The following NUP98 variants were observed in gnomAD, a reference collection of about 807,000 sequenced individuals.
The protein encoded by NUP98 is nucleoporin 98 and 96 precursor.
A neutral mutation model predicts 191.9 loss-of-function variants in NUP98; 26 were observed. That is an observed-to-expected ratio of 0.14 (90% CI 0.10 to 0.19). NUP98 has a LOEUF of 0.19. Ranked by LOEUF, NUP98 falls within the 10% of genes least tolerant of loss-of-function variation. The pLI is 1.00. For synonymous variants in NUP98, 808 were observed against 778.4 expected (o/e 1.04, Z -0.63); for missense variants, 1,941 against 2,178.8 (o/e 0.89, Z 2.17).
intron 5 of NUP98, among the ~76,000 whole-genome samples, chr11:3,775,067 A>C (rs1482205250): frequency 6.6e-6 from 1 of 152,208 alleles, no homozygotes; most frequent in Non-Finnish European, 1.5e-5. Flanking sequence ...TCTGTAAACA[A>C]AATCCTCCAC....
rs67500611 is a variant in NUP98, at chr11:3,760,112, CAA to C, written c.1174+425_1174+426del. The C allele has an allele frequency of 9.3e-3, 1,123 of 121,230 alleles. 1 individual carries two copies. Among genetic ancestry groups the C allele is most frequent in the South Asian group, 0.016 (72 of 4,466 alleles). 7.5% of individuals were successfully genotyped at this position (121,230 alleles called of 1,614,324 possible). Reference sequence around the variant, plus strand: ...GCGATATAAAGACCCTGTTCTCCACCAAAAAAAAAAAAAAAAACAAAAACAAA... The same window carrying C: ...GCGATATAAAGACCCTGTTCTCCACCAAAAAAAAAAAAAAACAAAAACAAA... On this transcript the variant is annotated intron_variant, in intron 10 of 32. Coordinates refer to ENST00000324932, the MANE Select transcript of NUP98 (RefSeq NM_016320.5).
At chr11:3,747,367 A>C (rs961840365) in intron 11 of NUP98, among the ~76,000 whole-genome samples, 7 of 152,186 alleles carry the variant, frequency 4.6e-5, no homozygotes, top group Non-Finnish European at 7.3e-5. Context: ...TTAGTATTAC[A>C]ATCAACCTTC....
chr11:3,733,345 C>A (rs1407331878), intron 13 of NUP98, among the ~76,000 whole-genome samples: 1 of 152,152 alleles, frequency 6.6e-6, no homozygotes, highest in Non-Finnish European at 1.5e-5. Flanking sequence ...GAGTTTCGCT[C>A]TTGTCATCTG....
intron 1 of NUP98, 26 bp downstream of exon 1, chr11:3,797,374 C>T (rs1256551725): frequency 1.5e-5 from 6 of 401,624 alleles, no homozygotes; most frequent in Non-Finnish European, 2.2e-5. Context: ...CGGTCTCGGC[C>T]GCTGCAGCTC....
rs2078683030 is a variant in NUP98, at chr11:3,701,678, TTTTC to T, written c.3512+781_3512+784del. Among the ~76,000 whole-genome samples the T allele has an allele frequency of 2.6e-5, 4 of 151,936 alleles. No homozygotes were observed. The South Asian group carries it at 8.3e-4, about 31-fold the overall frequency. ...TTCAAGAGACATTGTTGTTTTTTCT[TTTTC>T]TTTTCTCTCTTTTTTTTTTTTGAGA... On this transcript the variant is annotated intron_variant, in intron 23 of 32. Transcript: ENST00000324932.
chr11:3,721,107 G>A, intron 16 of NUP98: 1 of 185,312 alleles, frequency 5.4e-6, no homozygotes, highest in Non-Finnish European at 1.1e-5. Flanking sequence ...GCTTAACCTC[G>A]TGTTTTTCCA....
chr11:3,768,716 A>G lies in NUP98; in HGVS notation c.813T>C (p.Gly271=). The change falls in exon 8 of 33, where the codon GGT becomes GGC. Residue 271 remains glycine (G), a synonymous_variant. Coordinates refer to ENST00000324932, the MANE Select transcript of NUP98 (RefSeq NM_016320.5). Reference sequence around the variant, plus strand: ...GCTGATTCTGTTGGCCAAAGAGACCACCTGGATTTGTTCCAAATCCAGTTG... The same window carrying G: ...GCTGATTCTGTTGGCCAAAGAGACCGCCTGGATTTGTTCCAAATCCAGTTG... The part of the protein sequence containing the change: ...TSTTGFGTNP[G]GLFGQQNQQT... 6.3e-7 allele frequency: 1 copy of G among 1,592,200 alleles called. No homozygotes were observed. The highest frequency in any genetic ancestry group is 8.5e-7 in the Non-Finnish European group (1 of 1,170,604).
At position 3,768,717 on chromosome 11, in the gene NUP98, C is replaced by A. The variant is rs1293088149; in HGVS notation, c.812G>T (p.Gly271Val). ...CTGATTCTGTTGGCCAAAGAGACCA[C>A]CTGGATTTGTTCCAAATCCAGTTGT... ...TSTTGFGTNPGGLFGQQNQQT... is the reference protein window; with the variant it reads ...TSTTGFGTNPVGLFGQQNQQT... The change falls in exon 8 of 33, where the codon GGT becomes GTT. Residue 271 changes from glycine to valine, a missense_variant. Physicochemically the swap from Gly to Val is moderately radical, Grantham distance 109 (BLOSUM62 -3). Around this residue, in one of 6 missense-constraint regions of NUP98, gnomAD observed 181 missense variants for 228.0 expected, o/e 0.79. Coordinates refer to ENST00000324932, the MANE Select transcript of NUP98 (RefSeq NM_016320.5). 5.7e-6 allele frequency: 9 copies of A among 1,588,986 alleles called. No individual in the cohort carries two copies. The highest frequency in any genetic ancestry group is 1.1e-5 in the South Asian group (1 of 87,492).
rs1356039591 is a variant in NUP98, at chr11:3,735,234, GGA to G, written c.1497_1498del (p.Pro500SerfsTer10). 1 of 1,601,992 alleles carries G rather than the reference GGA, an allele frequency of 6.2e-7. No individual in the cohort carries two copies. The highest frequency in any genetic ancestry group is 1.3e-5 in the African/African-American group (1 of 74,668). Reference sequence around the variant, plus strand: ...GTCTGACATCGGATTCCGGAAGAGAGGAGAGTCTCCAAAAGGTGAGTATGTTA... The same window carrying G: ...GTCTGACATCGGATTCCGGAAGAGAGGAGTCTCCAAAAGGTGAGTATGTTA... On this transcript the variant is annotated frameshift_variant, in exon 13 of 33. Transcript: ENST00000324932. LOFTEE classifies it high-confidence loss of function.
At chr11:3,716,082 A>G (rs2079171242) in intron 18 of NUP98, among the ~76,000 whole-genome samples, 1 of 152,130 alleles carries the variant, frequency 6.6e-6, no homozygotes, top group Non-Finnish European at 1.5e-5. Context: ...AGTTTGATAT[A>G]GTGTCATTTG....
chr11:3,716,013 T>C (rs770386572), intron 18 of NUP98, among the ~76,000 whole-genome samples: 10 of 152,214 alleles, frequency 6.6e-5, no homozygotes, highest in Non-Finnish European at 1.2e-4. Context: ...TTGGCATATA[T>C]TTTCTCCTAT....
At position 3,771,851 on chromosome 11, in the gene NUP98, C is replaced by T. The variant is rs145045544; in HGVS notation, c.681G>A (p.Leu227=). Residue 227 remains leucine, a synonymous_variant, in exon 7 of 33, where the codon TTG becomes TTA. Transcript: ENST00000324932. The part of the protein sequence containing the change: ...NQVGAGTTTG[L]FGSSPATSSA... Reference sequence around the variant, plus strand: ...TGGAAGTGGCTGGAGAAGACCCAAACAAGCCAGTTGTGGTACCTGCTCCCA... The same window carrying T: ...TGGAAGTGGCTGGAGAAGACCCAAATAAGCCAGTTGTGGTACCTGCTCCCA... The T allele has an allele frequency of 4.0e-4, 639 of 1,613,922 alleles. 3 individuals carry two copies. The Middle Eastern group carries it at 6.0e-3, about 15-fold the overall frequency.
chr11:3,791,103 G>A (rs1045374989), intron 1 of NUP98, among the ~76,000 whole-genome samples: 6 of 151,930 alleles, frequency 3.9e-5, no homozygotes, highest in South Asian at 4.2e-4. Context: ...CACCGTGTTA[G>A]CCAGGATGGT....
chr11:3,729,715 C>CAAAAAAAAAAAAAAAAAAAA lies in NUP98; in HGVS notation c.1730+1656_1730+1675dup, dbSNP rs755816362. 2.8e-3 allele frequency among the ~76,000 whole-genome samples: 104 copies of CAAAAAAAAAAAAAAAAAAAA among 37,406 alleles called. 10 individuals carry two copies. Among genetic ancestry groups the CAAAAAAAAAAAAAAAAAAAA allele is most frequent in the Non-Finnish European group, 3.9e-3 (73 of 18,650 alleles). The allele number at this position is 37,406 out of a possible 152,430, so 24.5% of individuals were successfully genotyped here. ...GGGCAATGGCATAAGACTCTTGCCT[C>CAAAAAAAAAAAAAAAAAAAA]AAAAAAAAAAAAAAAAAAAAAAAAA... On this transcript the variant is annotated intron_variant, in intron 14 of 32. Coordinates refer to ENST00000324932, the MANE Select transcript of NUP98 (RefSeq NM_016320.5).
chr11:3,684,963 G>T (rs548285729), intron 29 of NUP98, among the ~76,000 whole-genome samples: 1 of 152,226 alleles, frequency 6.6e-6, no homozygotes, highest in South Asian at 2.1e-4. Context: ...GACTCTGGAC[G>T]AAAGTTGGAA....
chr11:3,748,350 G>C (rs1259895004), intron 11 of NUP98, among the ~76,000 whole-genome samples: 1 of 152,160 alleles, frequency 6.6e-6, no homozygotes, highest in Admixed American at 6.5e-5. Context: ...AGGATCACGA[G>C]GTCAGGAGTT....
intron 16 of NUP98, among the ~76,000 whole-genome samples, chr11:3,722,938 A>C (rs1780304557): frequency 6.6e-6 from 1 of 152,216 alleles, no homozygotes; most frequent in Admixed American, 6.5e-5. Flanking sequence ...AGGATAATTA[A>C]AGATGTATCA....
At chr11:3,748,904 G>C (rs2080615538) in intron 11 of NUP98, among the ~76,000 whole-genome samples, 2 of 150,608 alleles carry the variant, frequency 1.3e-5, no homozygotes, top group South Asian at 4.2e-4. Context: ...AAGTTGAAAA[G>C]CTCAAATGAA....
chr11:3,705,989 A>C (rs1830919955), intron 21 of NUP98, among the ~76,000 whole-genome samples: 1 of 117,548 alleles, frequency 8.5e-6, no homozygotes, highest in Admixed American at 7.7e-5. Flanking sequence ...TTTCTCTACT[A>C]AAAATACAAA....
Sources: gnomAD v4.1 joint callset for allele counts (sites outside exome capture counted in the v4.1 genomes callset) on GRCh38, gnomAD v4.1.1 for gene constraint, gnomAD v4.1.1 regional missense constraint, MANE v1.5 for transcripts, NCBI Gene and HGNC (gene_info 2026-07-23, HGNC 2026-07-21) for gene names.